The following ADAMTSL1 variants were observed in gnomAD, a reference collection of about 807,000 sequenced individuals.
ADAMTSL1 encodes the protein ADAMTS like 1.
ADAMTSL1 carries 126 observed loss-of-function variants against 201.8 expected under a neutral mutation model. That is an observed-to-expected ratio of 0.62 (90% confidence interval 0.54 to 0.72). ADAMTSL1 has a LOEUF of 0.72. Among genes scored for constraint, ADAMTSL1 ranks in the 30% least tolerant of loss-of-function variants. The pLI is 0.00. For synonymous variants in ADAMTSL1, 1,121 were observed against 903.4 expected (o/e 1.24, Z -4.32); for missense variants, 2,679 against 2,277.8 (o/e 1.18, Z -3.59).
At chr9:18,359,181 A>G (rs925421464) in intron 2 of ADAMTSL1, among the ~76,000 whole-genome samples, 1 of 152,130 alleles carries the variant, frequency 6.6e-6, no homozygotes, top group African/African-American at 2.4e-5. Context: ...TTTTAGTACA[A>G]AATAAGCTCT....
chr9:18,326,688 A>G (rs993574102), intron 2 of ADAMTSL1, among the ~76,000 whole-genome samples: 3 of 152,222 alleles, frequency 2.0e-5, no homozygotes, highest in African/African-American at 7.2e-5. Context: ...GCATGGTTCC[A>G]TGCATCCCTT....
chr9:18,399,327 A>ATATATATT (rs1554672331), intron 2 of ADAMTSL1, among the ~76,000 whole-genome samples: 9 of 113,082 alleles, frequency 8.0e-5, no homozygotes, highest in African/African-American at 3.2e-4. Context: ...ATATATATAT[A>ATATATATT]TAAAATTATT....
At chr9:18,730,035 T>C (rs1189163909) in intron 15 of ADAMTSL1, among the ~76,000 whole-genome samples, 2 of 152,206 alleles carry the variant, frequency 1.3e-5, no homozygotes, top group Non-Finnish European at 2.9e-5. Flanking sequence ...ATAAATCTTT[T>C]TTTTTTCTAA....
chr9:18,407,076 C>T (rs1818237364), intron 2 of ADAMTSL1, among the ~76,000 whole-genome samples: 1 of 152,178 alleles, frequency 6.6e-6, no homozygotes, highest in African/African-American at 2.4e-5. Flanking sequence ...CAAATCCCAC[C>T]TCTATGGCAC....
At chr9:18,636,819 C>T (rs1474511721) in intron 6 of ADAMTSL1, among the ~76,000 whole-genome samples, 1 of 152,140 alleles carries the variant, frequency 6.6e-6, no homozygotes, top group Non-Finnish European at 1.5e-5. Flanking sequence ...TGAAAGGCTT[C>T]ACTTCAGTTG....
chr9:18,350,699 T>C (rs1835929483), intron 2 of ADAMTSL1, among the ~76,000 whole-genome samples: 1 of 152,146 alleles, frequency 6.6e-6, no homozygotes, highest in Non-Finnish European at 1.5e-5. Context: ...AATTCTGGAA[T>C]TTCCACTTTT....
intron 13 of ADAMTSL1, among the ~76,000 whole-genome samples, chr9:18,696,171 A>G (rs999838739): frequency 6.6e-6 from 1 of 152,244 alleles, no homozygotes; most frequent in Non-Finnish European, 1.5e-5. Flanking sequence ...GGAGATTTGG[A>G]CAGGGACACA....
At position 18,799,852 on chromosome 9, in the gene ADAMTSL1, ATTC is replaced by A. The variant is rs530839247; in HGVS notation, c.3805+4335_3805+4337del. ...AAATAAAAGGCAATCATTTTTTAAA[ATTC>A]TTCTTCCTCTGTCCCTCCCCATCAT... On this transcript the variant is annotated intron_variant, in intron 20 of 28. Coordinates refer to ENST00000380548, the MANE Select transcript of ADAMTSL1 (RefSeq NM_001040272.6). Among the ~76,000 whole-genome samples, 257 of 152,322 alleles carry A rather than the reference ATTC, an allele frequency of 1.7e-3. 1 individual carries two copies. The highest frequency in any genetic ancestry group is 6.0e-3 in the African/African-American group (249 of 41,578).
At chr9:18,892,727 T>G in intron 26 of ADAMTSL1, 131 bp downstream of exon 26, 1 of 1,103,004 alleles carries the variant, frequency 9.1e-7, no homozygotes, top group Non-Finnish European at 1.3e-6. Context: ...AGGCATAGCT[T>G]TTGTGGGTTG....
intron 2 of ADAMTSL1, among the ~76,000 whole-genome samples, chr9:18,444,842 T>A (rs1280155489): frequency 1.3e-5 from 2 of 152,150 alleles, no homozygotes; most frequent in Admixed American, 1.3e-4. Flanking sequence ...TGTCTATGTA[T>A]CTTACCAAGA....
chr9:18,279,483 T>C (rs2132620259), intron 2 of ADAMTSL1, among the ~76,000 whole-genome samples: 1 of 152,152 alleles, frequency 6.6e-6, no homozygotes, highest in Middle Eastern at 3.4e-3. Context: ...TCTGTGATCC[T>C]CTGACCTTGC....
At chr9:18,900,495 C>A (rs1387592772) in intron 26 of ADAMTSL1, among the ~76,000 whole-genome samples, 1 of 152,108 alleles carries the variant, frequency 6.6e-6, no homozygotes, top group Non-Finnish European at 1.5e-5. Flanking sequence ...TACTGCAGCA[C>A]TACTCACAAT....
At chr9:18,509,894 T>A (rs1817930500) in intron 2 of ADAMTSL1, among the ~76,000 whole-genome samples, 1 of 152,246 alleles carries the variant, frequency 6.6e-6, no homozygotes, top group Non-Finnish European at 1.5e-5. Context: ...GATAATGAAC[T>A]TCATGGGTTC....
intron 2 of ADAMTSL1, among the ~76,000 whole-genome samples, chr9:18,426,462 G>C (rs895787371): frequency 3.9e-5 from 6 of 152,128 alleles, no homozygotes; most frequent in African/African-American, 1.4e-4. Flanking sequence ...TAATTAATCT[G>C]CATTTGGGAC....
chr9:18,505,121 TTTTA>T (rs1823056292), intron 2 of ADAMTSL1, among the ~76,000 whole-genome samples, 165 bp downstream of exon 2: 2 of 152,360 alleles, frequency 1.3e-5, no homozygotes, highest in Admixed American at 6.5e-5. Context: ...TCTTACGTGT[TTTTA>T]TTTGTGTTCT....
chr9:18,109,768 G>T (rs1052842056), intron 1 of ADAMTSL1, among the ~76,000 whole-genome samples: 1 of 152,116 alleles, frequency 6.6e-6, no homozygotes, highest in Non-Finnish European at 1.5e-5. Flanking sequence ...TGTCAGCAGC[G>T]TGGCACCAGG....
chr9:18,601,811 C>G (rs2151152), intron 4 of ADAMTSL1, among the ~76,000 whole-genome samples: 3 of 151,018 alleles, frequency 2.0e-5, no homozygotes, highest in Non-Finnish European at 4.4e-5. Flanking sequence ...TGTAGCATAT[C>G]TATACATTTC....
chr9:18,369,176 C>G (rs1195107327), intron 2 of ADAMTSL1, among the ~76,000 whole-genome samples: 1 of 152,216 alleles, frequency 6.6e-6, no homozygotes, highest in Non-Finnish European at 1.5e-5. Flanking sequence ...GCTCATACTT[C>G]ACTAGATATA....
At chr9:18,437,711 A>T (rs751498681) in intron 2 of ADAMTSL1, among the ~76,000 whole-genome samples, 37 of 152,152 alleles carry the variant, frequency 2.4e-4, no homozygotes, top group Non-Finnish European at 3.5e-4. Flanking sequence ...CTCAGTGACA[A>T]ACAAAGCTCT....
Sources: allele counts gnomAD v4.1 joint callset (sites outside exome capture counted in the v4.1 genomes callset), GRCh38; gene constraint gnomAD v4.1.1; transcripts MANE v1.5; gene names NCBI Gene and HGNC (gene_info 2026-07-23, HGNC 2026-07-21).